The following CD247 variants were observed in gnomAD, a reference collection of about 807,000 sequenced individuals.
The protein encoded by CD247 is CD247 molecule.
Under a neutral mutation model 30.0 loss-of-function variants are expected in CD247, and 13 were observed. The ratio of observed to expected loss-of-function variants is 0.43; its 90% confidence interval spans 0.28 to 0.69. The LOEUF is 0.69. Ranked by LOEUF, CD247 falls within the 30% of genes least tolerant of loss-of-function variation. CD247 has a pLI of 0.16. For synonymous variants in CD247, 72 were observed against 80.0 expected, an observed-to-expected ratio of 0.90 and a Z score of 0.53; for missense variants, 193 against 212.6, an observed-to-expected ratio of 0.91 and a Z score of 0.57.
At chr1:167,441,122 A>G (rs1651802855) in intron 1 of CD247, among the ~76,000 whole-genome samples, 1 of 152,188 alleles carries the variant, frequency 6.6e-6, no homozygotes, top group Non-Finnish European at 1.5e-5. Context: ...AGAACTCTGG[A>G]AGCCTCGGGA....
chr1:167,446,684 G>A (rs1333071290), intron 1 of CD247, among the ~76,000 whole-genome samples: 1 of 152,202 alleles, frequency 6.6e-6, no homozygotes, highest in East Asian at 1.9e-4. Flanking sequence ...CTCTTCAGGG[G>A]TGTTTGAAGA....
At chr1:167,471,945 G>T (rs980277370) in intron 1 of CD247, among the ~76,000 whole-genome samples, 3 of 146,844 alleles carry the variant, frequency 2.0e-5, no homozygotes, top group Admixed American at 7.2e-5. Flanking sequence ...CAATTCTCCT[G>T]CCTCAGCCTC....
intron 1 of CD247, among the ~76,000 whole-genome samples, chr1:167,508,133 G>T (rs1365676775): frequency 6.6e-6 from 1 of 152,160 alleles, no homozygotes; most frequent in Non-Finnish European, 1.5e-5. Flanking sequence ...AGAGCTTGTG[G>T]CTATAACTCT....
At chr1:167,465,286 C>G (rs906072790) in intron 1 of CD247, among the ~76,000 whole-genome samples, 1 of 151,084 alleles carries the variant, frequency 6.6e-6, no homozygotes, top group Non-Finnish European at 1.5e-5. Context: ...GATAGAAAGT[C>G]ACTCATAGAT....
At chr1:167,465,476 C>T (rs182792355) in intron 1 of CD247, among the ~76,000 whole-genome samples, 134 of 151,976 alleles carry the variant, frequency 8.8e-4, no homozygotes, top group South Asian at 7.1e-3. Flanking sequence ...TACAGGCTCC[C>T]GGCATCATGC....
chr1:167,506,271 C>CTTTTCCTTTT (rs1453653699), intron 1 of CD247, among the ~76,000 whole-genome samples: 2 of 11,558 alleles, frequency 1.7e-4, no homozygotes, highest in African/African-American at 5.0e-4. Context: ...CTTTTCTTTT[C>CTTTTCCTTTT]CTTTTCTTTT....
chr1:167,491,271 T>G (rs1654433771), intron 1 of CD247, among the ~76,000 whole-genome samples: 1 of 152,000 alleles, frequency 6.6e-6, no homozygotes, highest in East Asian at 1.9e-4. Context: ...CTCAGAAAGT[T>G]AAAAATAGAA....
At chr1:167,432,893 G>A (rs1651340786) in intron 7 of CD247, 131 bp downstream of exon 7, 1 of 911,924 alleles carries the variant, frequency 1.1e-6, no homozygotes, top group African/African-American at 1.6e-5. Context: ...TGGCCTAAAT[G>A]GGTGCCTTGG....
intron 1 of CD247, among the ~76,000 whole-genome samples, chr1:167,506,492 G>T (rs540606061): frequency 6.6e-6 from 1 of 151,732 alleles, no homozygotes; most frequent in South Asian, 2.1e-4. Context: ...AGACTACAGG[G>T]GGGTGTCACC....
At position 167,431,358 on chromosome 1, in the gene CD247, TCAA is replaced by T; in HGVS notation, c.*320_*322del. 1.7e-6 allele frequency: 1 copy of T among 596,286 alleles called. No homozygotes were observed. Among genetic ancestry groups the T allele is most frequent in the Admixed American group, 3.0e-5 (1 of 33,864 alleles). 36.9% of individuals were successfully genotyped at this position (596,286 alleles called of 1,614,324 possible). A position where few individuals can be genotyped will look rare whatever the true frequency, so the allele number is the denominator to read the frequency against. On this transcript the variant is annotated 3_prime_UTR_variant, in exon 8 of 8. Transcript: ENST00000362089. ...TCTCTGGGGACTTTACAAAACAGACTCAACAACTCAGCTGTGAGAGGCAGTGCG... is the reference window on the plus strand; with the variant it reads ...TCTCTGGGGACTTTACAAAACAGACTCAACTCAGCTGTGAGAGGCAGTGCG...
chr1:167,433,669 T>C (rs1413723047), intron 6 of CD247, among the ~76,000 whole-genome samples: 1 of 152,186 alleles, frequency 6.6e-6, no homozygotes, highest in Admixed American at 6.5e-5. Flanking sequence ...AATTCTTAAT[T>C]GTTGATGAAT....
chr1:167,484,308 G>C (rs566697397), intron 1 of CD247, among the ~76,000 whole-genome samples: 2 of 152,152 alleles, frequency 1.3e-5, no homozygotes, highest in African/African-American at 2.4e-5. Context: ...CCTATAGGCT[G>C]ACTGTGTTGT....
At chr1:167,488,856 C>T (rs931895945) in intron 1 of CD247, among the ~76,000 whole-genome samples, 2 of 152,162 alleles carry the variant, frequency 1.3e-5, no homozygotes, top group Admixed American at 6.6e-5. Flanking sequence ...GTTCTTGTAG[C>T]TCAGACAGCT....
chr1:167,453,526 A>G (rs1652471224), intron 1 of CD247, among the ~76,000 whole-genome samples: 1 of 152,216 alleles, frequency 6.6e-6, no homozygotes, highest in African/African-American at 2.4e-5. Context: ...TTCTGAGGAT[A>G]AACTCTCACA....
At position 167,488,588 on chromosome 1, in the gene CD247, G is replaced by A. The variant is rs60473218; in HGVS notation, c.58+29820C>T. ...CCCTGATCAGACACTGAGGGGAACC[G>A]GATATTGAAGGTTGATGGTTGTGCT... On this transcript the variant is annotated intron_variant, in intron 1 of 7. Coordinates refer to ENST00000362089, the MANE Select transcript of CD247 (RefSeq NM_198053.3). Among the ~76,000 whole-genome samples, 674 of 152,278 alleles carry A rather than the reference G, an allele frequency of 4.4e-3. 5 individuals carry two copies. The highest frequency in any genetic ancestry group is 0.02 in the Middle Eastern group (6 of 294).
At chr1:167,472,524 T>C (rs1653574391) in intron 1 of CD247, among the ~76,000 whole-genome samples, 1 of 152,128 alleles carries the variant, frequency 6.6e-6, no homozygotes, top group Non-Finnish European at 1.5e-5. Context: ...TGCATTACAA[T>C]TAAGAAAGCA....
chr1:167,486,797 C>T (rs944038180), intron 1 of CD247, among the ~76,000 whole-genome samples: 47 of 152,224 alleles, frequency 3.1e-4, no homozygotes, highest in African/African-American at 1.1e-3. Context: ...TCTGGGTGGG[C>T]ATGGTGGCTC....
Position 167,464,549 on chromosome 1 carries a change from G to T in CD247, c.59-23782C>A, listed in dbSNP as rs373259972. ...TCAAACTCAGGACTGGCTGCTTTCTGCTTTGGACAAGGATGCTGGCTCCCA... is the reference window on the plus strand; with the variant it reads ...TCAAACTCAGGACTGGCTGCTTTCTTCTTTGGACAAGGATGCTGGCTCCCA... On this transcript the variant is annotated intron_variant, in intron 1 of 7. Coordinates refer to ENST00000362089, the MANE Select transcript of CD247 (RefSeq NM_198053.3). 7.9e-5 allele frequency among the ~76,000 whole-genome samples: 12 copies of T among 152,328 alleles called. No homozygotes were observed. The East Asian group carries it at 1.5e-3, about 20-fold the overall frequency.
At chr1:167,474,856 G>T (rs1397573693) in intron 1 of CD247, among the ~76,000 whole-genome samples, 3 of 149,474 alleles carry the variant, frequency 2.0e-5, no homozygotes, top group Non-Finnish European at 4.4e-5. Context: ...GAGTTCAAGC[G>T]ATTCTCCTGC....
Sources: allele counts gnomAD v4.1 joint callset (sites outside exome capture counted in the v4.1 genomes callset), GRCh38; gene constraint gnomAD v4.1.1; transcripts MANE v1.5; gene names NCBI Gene and HGNC (gene_info 2026-07-23, HGNC 2026-07-21).